RFX1: variants seen among roughly 807,000 people sequenced by gnomAD.
RFX1 encodes regulatory factor X1, also known as MHC class II regulatory factor RFX1.
In RFX1, 42 loss-of-function variants were observed where a neutral mutation model predicts 119.6. The observed-to-expected ratio is 0.35, with a 90% CI of 0.27 to 0.45. RFX1 has a LOEUF of 0.45. Ranked by LOEUF, RFX1 falls within the 20% of genes least tolerant of loss-of-function variation. The pLI, the probability that RFX1 is intolerant of heterozygous loss-of-function variation, is 1.00. For missense variants in RFX1, 1,118 were observed against 1,368.1 expected (o/e 0.82, Z 2.88); for synonymous variants, 628 against 618.5 (o/e 1.02, Z -0.23).
In RFX1 at chr19:13,965,608, A is replaced by C; in HGVS notation, c.2113+18T>G. The C allele has an allele frequency of 6.2e-7, 1 of 1,612,536 alleles. No individual in the cohort carries two copies. The highest frequency in any genetic ancestry group is 1.1e-5 in the South Asian group (1 of 91,026). ...GGTGTATGTGGGGCAGGGGATGCCG[A>C]GCAGGCCGAGCACTCACTGGGGATG... On this transcript the variant is annotated intron_variant, in intron 15 of 20. Coordinates refer to ENST00000254325, the MANE Select transcript of RFX1 (RefSeq NM_002918.5). This position sits in a 1 kb window ranked among gnomAD's most constrained non-coding sequence, Gnocchi z 4.7.
intron 7 of RFX1, among the ~76,000 whole-genome samples, chr19:13,978,365 G>C (rs7247080): frequency 1.3e-5 from 2 of 152,128 alleles, no homozygotes; most frequent in Non-Finnish European, 2.9e-5. Context: ...TGTAGTGGGC[G>C]TGAAGGTTGG....
At chr19:13,971,598 C>T (rs1974079981) in intron 9 of RFX1, among the ~76,000 whole-genome samples, 1 of 152,154 alleles carries the variant, frequency 6.6e-6, no homozygotes, top group Non-Finnish European at 1.5e-5. Flanking sequence ...TCTCTGCCCT[C>T]ATTATCTATT....
Position 13,979,499 on chromosome 19 carries a change from G to T in RFX1, c.782C>A (p.Pro261Gln), listed in dbSNP as rs199915135. 5 of 1,603,532 alleles carry T rather than the reference G, an allele frequency of 3.1e-6. No homozygotes were observed. The East Asian group carries it at 1.1e-4, about 36-fold the overall frequency. The change falls in exon 7 of 21, where the codon CCG becomes CAG. Residue 261 changes from proline (P) to glutamine (Q), a missense_variant. Coordinates refer to ENST00000254325, the MANE Select transcript of RFX1 (RefSeq NM_002918.5). The stretch of plus-strand genomic sequence containing the variant: ...GCCCTGCACGGTCAGCGGCTGCACC[G>T]GGCCGGGTTTGGGCGCTTGTGGAGT... ...QATPQAPKPG[P>Q]VQPLTVQGLQ...
chr19:13,970,658 T>C lies in RFX1; in HGVS notation c.1315-483A>G, dbSNP rs1486738762. Among the ~76,000 whole-genome samples, 5 of 66,868 alleles carry C rather than the reference T, an allele frequency of 7.5e-5. No individual in the cohort carries two copies. In the South Asian group the frequency reaches 2.2e-3, roughly 29 times the overall value. The allele number at this position is 66,868 out of a possible 152,430, so 43.9% of individuals were successfully genotyped here. A position where few individuals can be genotyped will look rare whatever the true frequency, so the allele number is the denominator to read the frequency against. ...CCAGCCTGGATACAGTGAGACCTTG[T>C]CTCAAAAAAAAAAAAAAAAAAAAAA... is the stretch of plus-strand genomic sequence containing the variant. On this transcript the variant is annotated intron_variant, in intron 9 of 20. Coordinates refer to ENST00000254325, the MANE Select transcript of RFX1 (RefSeq NM_002918.5).
chr19:13,975,407 G>A (rs1190365522), intron 8 of RFX1, among the ~76,000 whole-genome samples: 1 of 151,984 alleles, frequency 6.6e-6, no homozygotes, highest in African/African-American at 2.4e-5. Context: ...AGTGTGGTCA[G>A]TCAAGAGGTG....
chr19:13,982,030 C>T (rs1023233560), intron 5 of RFX1, 91 bp downstream of exon 5: 12 of 506,748 alleles, frequency 2.4e-5, no homozygotes, highest in African/African-American at 5.9e-5. Flanking sequence ...GCTTGGGGGG[C>T]GGGGCAGGGA....
intron 1 of RFX1, among the ~76,000 whole-genome samples, chr19:14,003,160 A>AT (rs1263743953): frequency 6.6e-5 from 10 of 152,058 alleles, no homozygotes; most frequent in African/African-American, 2.4e-4. Context: ...TACTTTTTGT[A>AT]TTTTTAGTAG....
rs573778939 is a variant in RFX1, at chr19:13,972,728, C to T, written c.1314+15G>A. ...CACTGCCTGCCTCCTCTGGGGCCCG[C>T]GTTGGGGCACTTACCGTGGCTGGCG... On this transcript the variant is annotated intron_variant, in intron 9 of 20. Coordinates refer to ENST00000254325, the MANE Select transcript of RFX1 (RefSeq NM_002918.5). 52 of 1,576,834 alleles carry T rather than the reference C, an allele frequency of 3.3e-5. No individual in the cohort carries two copies. The Middle Eastern group carries it at 7.6e-4, about 23-fold the overall frequency.
intron 6 of RFX1, 29 bp from the exon 7 acceptor site, chr19:13,979,571 AC>A: frequency 6.6e-7 from 1 of 1,523,120 alleles, no homozygotes; most frequent in Non-Finnish European, 9.0e-7. Context: ...CAATAAGATG[AC>A]CATGGCAACG....
Position 13,985,814 on chromosome 19 carries a change from G to A in RFX1, c.320-2219C>T, listed in dbSNP as rs1156969402. ...GGAGAGGGGCCTGGACAGGGCAGGAGGGCTATTCAGGGCAGATGCAAAGGC... is the reference window on the plus strand; with the variant it reads ...GGAGAGGGGCCTGGACAGGGCAGGAAGGCTATTCAGGGCAGATGCAAAGGC... On this transcript the variant is annotated intron_variant, in intron 2 of 20. Coordinates refer to ENST00000254325, the MANE Select transcript of RFX1 (RefSeq NM_002918.5). The surrounding 1 kb of genome is among the most constrained non-coding windows in gnomAD (Gnocchi z 4.3). 6.6e-6 allele frequency among the ~76,000 whole-genome samples: 1 copy of A among 152,198 alleles called. No homozygotes were observed. The highest frequency in any genetic ancestry group is 1.5e-5 in the Non-Finnish European group (1 of 68,036).
In RFX1 at chr19:13,985,326, G is replaced by A. The variant is rs1422805112; in HGVS notation, c.320-1731C>T. Among the ~76,000 whole-genome samples, 1 of 152,056 alleles carries A rather than the reference G, an allele frequency of 6.6e-6. No homozygotes were observed. Among genetic ancestry groups the A allele is most frequent in the Non-Finnish European group, 1.5e-5 (1 of 68,014 alleles). On this transcript the variant is annotated intron_variant, in intron 2 of 20. Coordinates refer to ENST00000254325, the MANE Select transcript of RFX1 (RefSeq NM_002918.5). The surrounding 1 kb of genome is among the most constrained non-coding windows in gnomAD (Gnocchi z 4.3). ...TGAGTAGCTAGGACTGCAGGCACCC[G>A]CCACCACGCCCAGCTAATTTTTGTG... is the stretch of plus-strand genomic sequence containing the variant.
rs780581056 is a variant in RFX1 at position 13,972,795 on chromosome 19, A to C, written c.1262T>G (p.Leu421Arg). 1 of 1,608,526 alleles carries C rather than the reference A, an allele frequency of 6.2e-7. No individual in the cohort carries two copies. Among genetic ancestry groups the C allele is most frequent in the South Asian group, 1.1e-5 (1 of 90,636 alleles). Reference protein sequence around the residue: ...GTYVIQGGYMLGSASQSYSHT... With the variant: ...GTYVIQGGYMRGSASQSYSHT... ...AGAGTAAGACTGGCTGGCACTGCCCAGCATGTAGCCGCCTTGGATCACGTA... is the reference window on the plus strand; with the variant it reads ...AGAGTAAGACTGGCTGGCACTGCCCCGCATGTAGCCGCCTTGGATCACGTA... The change falls in exon 9 of 21, where the codon CTG becomes CGG. Residue 421 changes from leucine (L) to arginine (R), a missense_variant. Leu to Arg is a moderately radical substitution (Grantham distance 102). Around this residue, in one of 5 missense-constraint regions of RFX1, gnomAD observed 542 missense variants for 602.7 expected, o/e 0.90. Coordinates refer to ENST00000254325, the MANE Select transcript of RFX1 (RefSeq NM_002918.5).
At position 13,994,618 on chromosome 19, in the gene RFX1, G is replaced by A. The variant is rs1388191773; in HGVS notation, c.-52-723C>T. On this transcript the variant is annotated intron_variant, in intron 1 of 20. Coordinates refer to ENST00000254325, the MANE Select transcript of RFX1 (RefSeq NM_002918.5). ...TAGTCCCAGCTACTCAGGAGGCTGA[G>A]GCAGGAGAATCACTTGAACCTGGGA... Among the ~76,000 whole-genome samples the A allele has an allele frequency of 2.0e-5, 3 of 151,618 alleles. No homozygotes were observed. In the Admixed American group the frequency reaches 2.0e-4, roughly 10 times the overall value.
At chr19:13,963,397 G>A in intron 18 of RFX1, 122 bp from the exon 19 acceptor site, 1 of 1,438,736 alleles carries the variant, frequency 7.0e-7, no homozygotes, top group Non-Finnish European at 9.3e-7. Flanking sequence ...ATCCCGCACA[G>A]CCTTCCCGGC....
chr19:13,975,379 T>A (rs911255811), intron 8 of RFX1, among the ~76,000 whole-genome samples: 22 of 146,510 alleles, frequency 1.5e-4, no homozygotes, highest in Non-Finnish European at 2.9e-4. Context: ...AAAAAAAAAA[T>A]TAAACATCCA....
intron 1 of RFX1, 26 bp from the exon 2 acceptor site, chr19:13,993,921 G>T (rs1974900334): frequency 2.5e-6 from 3 of 1,201,036 alleles, no homozygotes; most frequent in East Asian, 5.2e-5. Flanking sequence ...GGGGATGGGG[G>T]AGAGAAAAAC....
At position 13,965,770 on chromosome 19, in the gene RFX1, C is replaced by G. The variant is rs369726740; in HGVS notation, c.1969G>C (p.Glu657Gln). ...SEAPPLAVHD[E>Q]AEKRLPKAIL... ...GCTTTGGGCAGTCGCTTCTCGGCCT[C>G]GTCATGTCTGCGGGCACCCACCCCA... Residue 657 changes from glutamate to glutamine, a missense_variant, in exon 15 of 21, where the codon GAG (glutamate) becomes CAG (glutamine). Physicochemically the swap from Glu to Gln is conservative, Grantham distance 29 (BLOSUM62 2). Coordinates refer to ENST00000254325, the MANE Select transcript of RFX1 (RefSeq NM_002918.5). This position sits in a 1 kb window ranked among gnomAD's most constrained non-coding sequence, Gnocchi z 4.7. The G allele has an allele frequency of 5.0e-6, 8 of 1,613,454 alleles. No homozygotes were observed. The Admixed American group carries it at 1.2e-4, about 24-fold the overall frequency.
Position 13,962,645 on chromosome 19 carries a change from C to A in RFX1, c.*50G>T, listed in dbSNP as rs1185434278. 26 of 1,235,524 alleles carry A rather than the reference C, an allele frequency of 2.1e-5. No individual in the cohort carries two copies. Among genetic ancestry groups the A allele is most frequent in the Non-Finnish European group, 2.5e-5 (24 of 958,316 alleles). 76.5% of individuals were successfully genotyped at this position (1,235,524 alleles called of 1,614,324 possible). A position where few individuals can be genotyped will look rare whatever the true frequency, so the allele number is the denominator to read the frequency against. ...ACGAAGCCACAGAAGCTTTGAGGGA[C>A]CCTGGCGTGGAGGGGTGGCGGGGGC... On this transcript the variant is annotated 3_prime_UTR_variant, in exon 21 of 21. Coordinates refer to ENST00000254325, the MANE Select transcript of RFX1 (RefSeq NM_002918.5).
At position 13,986,287 on chromosome 19, in the gene RFX1, CAGG is replaced by C. The variant is rs1435589018; in HGVS notation, c.320-2695_320-2693del. 5.9e-5 allele frequency among the ~76,000 whole-genome samples: 9 copies of C among 152,238 alleles called. No individual in the cohort carries two copies. The highest frequency in any genetic ancestry group is 1.9e-4 in the African/African-American group (8 of 41,554). On this transcript the variant is annotated intron_variant, in intron 2 of 20. Transcript: ENST00000254325. The surrounding 1 kb of genome is among the most constrained non-coding windows in gnomAD (Gnocchi z 4.2). ...GCTGGTCGCTGAGCAGGACCTACAGCAGGAGGAGGCCTGGGGACCTGCTGAGAC... is the reference window on the plus strand; with the variant it reads ...GCTGGTCGCTGAGCAGGACCTACAGCAGGAGGCCTGGGGACCTGCTGAGAC...
Sources: allele counts gnomAD v4.1 joint callset (sites outside exome capture counted in the v4.1 genomes callset), GRCh38; gene constraint gnomAD v4.1.1; regional missense constraint gnomAD v4.1.1; non-coding constraint Gnocchi (gnomAD v3.1); transcripts MANE v1.5; gene names NCBI Gene and HGNC (gene_info 2026-07-23, HGNC 2026-07-21).